ZMYM1: variants seen among roughly 807,000 people sequenced by gnomAD.
ZMYM1 encodes zinc finger MYM-type protein 1.
Under a neutral mutation model 60.0 loss-of-function variants are expected in ZMYM1, and 39 were observed. The observed-to-expected ratio is 0.65, with a 90% CI of 0.50 to 0.85. The LOEUF is 0.85. Among genes scored for constraint, ZMYM1 ranks in the 40% least tolerant of loss-of-function variants. The probability of loss-of-function intolerance (pLI) is 0.00; values close to 1 mark genes in which losing one functional copy is unlikely to be tolerated. For synonymous variants in ZMYM1, 413 were observed against 454.0 expected (o/e 0.91, Z 1.15); for missense variants, 1,171 against 1,309.5 (o/e 0.89, Z 1.63).
chr1:35,108,005 G>A (rs1422268138), intron 6 of ZMYM1, among the ~76,000 whole-genome samples: 3 of 152,048 alleles, frequency 2.0e-5, no homozygotes, highest in African/African-American at 7.2e-5. Context: ...AGCTACCCGG[G>A]AGGCTGAGGC....
intron 4 of ZMYM1, among the ~76,000 whole-genome samples, chr1:35,100,161 G>A (rs2148531551): frequency 6.6e-6 from 1 of 152,208 alleles, no homozygotes; most frequent in South Asian, 2.1e-4. Context: ...AAAGTGCTGG[G>A]ATTATAGGTA....
intron 2 of ZMYM1, among the ~76,000 whole-genome samples, chr1:35,094,703 G>T (rs1643214622): frequency 6.6e-6 from 1 of 152,124 alleles, no homozygotes; most frequent in African/African-American, 2.4e-5. Context: ...ACAAAAATTA[G>T]CCAGGCATAG....
intron 1 of ZMYM1, among the ~76,000 whole-genome samples, chr1:35,062,231 A>G (rs1641889846): frequency 6.6e-6 from 1 of 152,142 alleles, no homozygotes; most frequent in African/African-American, 2.4e-5. Flanking sequence ...TGACTTCTCT[A>G]AATGGAAACT....
At chr1:35,090,377 C>T (rs1160519328) in intron 1 of ZMYM1, among the ~76,000 whole-genome samples, 1 of 152,118 alleles carries the variant, frequency 6.6e-6, no homozygotes, top group Admixed American at 6.6e-5. Flanking sequence ...AGGAACCAAT[C>T]TGTCTTTGAA....
At chr1:35,097,283 A>G (rs1471857045) in intron 3 of ZMYM1, 34 bp from the exon 4 acceptor site, 1 of 1,546,632 alleles carries the variant, frequency 6.5e-7, no homozygotes, top group African/African-American at 1.4e-5. Flanking sequence ...TGTGTAAATA[A>G]CAATTTTTTT....
At position 35,088,446 on chromosome 1, in the gene ZMYM1, ATATATATATGTG is replaced by A. The variant is rs61580866; in HGVS notation, c.-74-5466_-74-5455del. On this transcript the variant is annotated intron_variant, in intron 1 of 9. Coordinates refer to ENST00000359858, the MANE Select transcript of ZMYM1 (RefSeq NM_024772.5). The stretch of plus-strand genomic sequence containing the variant: ...AATGTGTTTATGTGTATATATATAT[ATATATATATGTG>A]TGTGTGTGTGTGTGTGTGTGTGTGT... Among the ~76,000 whole-genome samples the A allele has an allele frequency of 1.7e-3, 202 of 116,294 alleles. 1 individual carries two copies. Among genetic ancestry groups the A allele is most frequent in the African/African-American group, 5.8e-3 (166 of 28,700 alleles). 76.3% of individuals were successfully genotyped at this position (116,294 alleles called of 152,430 possible).
chr1:35,080,980 G>GT (rs771821827), intron 1 of ZMYM1, among the ~76,000 whole-genome samples: 6 of 151,152 alleles, frequency 4.0e-5, no homozygotes, highest in Admixed American at 2.6e-4. Flanking sequence ...TTTCACTCTT[G>GT]TCTCCCAGAC....
At chr1:35,068,076 A>G (rs1020742993) in intron 1 of ZMYM1, among the ~76,000 whole-genome samples, 16 of 151,754 alleles carry the variant, frequency 1.1e-4, no homozygotes, top group African/African-American at 2.2e-4. Flanking sequence ...CGTGAGCCAC[A>G]GCACTCAGCC....
intron 1 of ZMYM1, among the ~76,000 whole-genome samples, chr1:35,089,763 T>TG (rs1642886886): frequency 7.1e-6 from 1 of 139,906 alleles, no homozygotes; most frequent in Non-Finnish European, 1.5e-5. Context: ...TTTTTTTTTT[T>TG]GAGATGGAGT....
intron 3 of ZMYM1, 72 bp from the exon 4 acceptor site, chr1:35,097,245 A>G: frequency 6.7e-7 from 1 of 1,500,306 alleles, no homozygotes; most frequent in South Asian, 1.4e-5. Flanking sequence ...AAAGAAAGAA[A>G]GAAAATAAAG....
At chr1:35,110,664 C>T (rs1246541294) in intron 7 of ZMYM1, among the ~76,000 whole-genome samples, 2 of 152,114 alleles carry the variant, frequency 1.3e-5, no homozygotes, top group African/African-American at 4.8e-5. Context: ...AGCACGGTGG[C>T]TCATGCCTGT....
intron 3 of ZMYM1, among the ~76,000 whole-genome samples, chr1:35,096,696 G>T (rs1643348379): frequency 6.6e-6 from 1 of 152,086 alleles, no homozygotes; most frequent in Non-Finnish European, 1.5e-5. Flanking sequence ...ACCACACCCA[G>T]ATAATTTTGT....
chr1:35,088,454 ATG>A (rs764350525), intron 1 of ZMYM1, among the ~76,000 whole-genome samples: 3,378 of 106,882 alleles, frequency 0.032, 74 homozygotes, highest in East Asian at 0.084. Context: ...ATATATATAT[ATG>A]TGTGTGTGTG....
upstream of ZMYM1, among the ~76,000 whole-genome samples, chr1:35,077,026 T>C (rs1642180206): frequency 6.6e-6 from 1 of 152,132 alleles, no homozygotes. Context: ...ACTTAATCTT[T>C]CAGCCAGTAT....
At position 35,110,195 on chromosome 1, in the gene ZMYM1, C is replaced by A. The variant is rs1644039114; in HGVS notation, c.808-99C>A. The A allele has an allele frequency of 2.2e-6, 2 of 921,300 alleles. 1 individual carries two copies. The highest frequency in any genetic ancestry group is 6.8e-5 in the Admixed American group (2 of 29,478). The allele number at this position is 921,300 out of a possible 1,614,324, so 57.1% of individuals were successfully genotyped here. On this transcript the variant is annotated intron_variant, in intron 6 of 9. Transcript: ENST00000359858. ...TGTAAAAACTGTCTTAATTGTTATT[C>A]TTTTTAATATTCCAACTAAAAGCAG... is the stretch of plus-strand genomic sequence containing the variant.
At chr1:35,091,758 C>T (rs1643017273) in intron 1 of ZMYM1, among the ~76,000 whole-genome samples, 1 of 151,624 alleles carries the variant, frequency 6.6e-6, no homozygotes, top group Admixed American at 6.6e-5. Context: ...TACCTGGGCA[C>T]TGTGGCACAT....
intron 1 of ZMYM1, among the ~76,000 whole-genome samples, chr1:35,066,347 G>A (rs1384715269): frequency 6.6e-6 from 1 of 152,056 alleles, no homozygotes; most frequent in Non-Finnish European, 1.5e-5. Context: ...ACAGGCACAC[G>A]CCACCACGCC....
intron 4 of ZMYM1, among the ~76,000 whole-genome samples, chr1:35,098,583 G>A (rs1020570026): frequency 6.6e-6 from 1 of 152,152 alleles, no homozygotes; most frequent in African/African-American, 2.4e-5. Context: ...TGAGTTGCTA[G>A]ATCAGCATCA....
chr1:35,080,977 C>T (rs749301051), intron 1 of ZMYM1, among the ~76,000 whole-genome samples: 6 of 151,540 alleles, frequency 4.0e-5, no homozygotes, highest in Non-Finnish European at 5.9e-5. Context: ...GCATTTCACT[C>T]TTGTCTCCCA....
Sources: allele counts gnomAD v4.1 joint callset (sites outside exome capture counted in the v4.1 genomes callset), GRCh38; gene constraint gnomAD v4.1.1; transcripts MANE v1.5; gene names NCBI Gene and HGNC (gene_info 2026-07-23, HGNC 2026-07-21).